Variants in THSD4 observed in about 807,000 individuals in gnomAD.
THSD4 encodes thrombospondin type 1 domain containing 4, also known as thrombospondin type-1 domain-containing protein 4.
In THSD4, 69 loss-of-function variants were observed where a neutral mutation model predicts 119.0. That is an observed-to-expected ratio of 0.58 (90% CI 0.48 to 0.71). THSD4 has a LOEUF of 0.71. Ranked by LOEUF, THSD4 falls within the 30% of genes least tolerant of loss-of-function variation. The pLI is 0.00. For synonymous variants in THSD4, 524 were observed against 540.4 expected (o/e 0.97, Z 0.42); for missense variants, 1,393 against 1,391.1 (o/e 1.00, Z -0.02).
chr15:71,611,784 C>T (rs751029407), intron 7 of THSD4, among the ~76,000 whole-genome samples: 50 of 152,210 alleles, frequency 3.3e-4, no homozygotes, highest in Admixed American at 1.7e-3. Flanking sequence ...GAGCCTACAG[C>T]ATGGGTGAAA....
chr15:71,624,924 C>T (rs753325844), intron 7 of THSD4, among the ~76,000 whole-genome samples: 5 of 152,176 alleles, frequency 3.3e-5, no homozygotes, highest in Admixed American at 6.5e-5. Flanking sequence ...GAATCTGATT[C>T]CTGGTGGCTG....
At chr15:71,376,023 C>A (rs2046131732) in intron 6 of THSD4, among the ~76,000 whole-genome samples, 1 of 152,186 alleles carries the variant, frequency 6.6e-6, no homozygotes, top group South Asian at 2.1e-4. Flanking sequence ...TGTGATTATG[C>A]ATAACAAATA....
chr15:71,714,407 G>A (rs978709754), intron 8 of THSD4, among the ~76,000 whole-genome samples: 1 of 152,134 alleles, frequency 6.6e-6, no homozygotes, highest in African/African-American at 2.4e-5. Context: ...GGCATGGGGT[G>A]GACTTTTAGG....
At chr15:71,651,525 G>A (rs903994862) in intron 7 of THSD4, among the ~76,000 whole-genome samples, 1 of 152,104 alleles carries the variant, frequency 6.6e-6, no homozygotes, top group African/African-American at 2.4e-5. Flanking sequence ...AGCCGTCCCT[G>A]GAGATGGCCC....
chr15:71,706,728 A>T (rs872476), intron 8 of THSD4, among the ~76,000 whole-genome samples: 32,536 of 152,114 alleles, frequency 0.21, 4,429 homozygotes, highest in Middle Eastern at 0.35. Flanking sequence ...ACATGCTACC[A>T]ACGTGACATC....
chr15:71,384,693 G>A (rs976390660), intron 6 of THSD4, among the ~76,000 whole-genome samples: 3 of 152,176 alleles, frequency 2.0e-5, no homozygotes, highest in Non-Finnish European at 4.4e-5. Context: ...TAGTTCTGGA[G>A]CCCACATTTT....
chr15:71,674,651 G>C (rs1486133077), intron 8 of THSD4, among the ~76,000 whole-genome samples: 1 of 152,068 alleles, frequency 6.6e-6, no homozygotes, highest in East Asian at 1.9e-4. Flanking sequence ...GTCCTTTCAG[G>C]ATAAAAGGCC....
chr15:71,376,359 T>C (rs1339769042), intron 6 of THSD4, among the ~76,000 whole-genome samples: 1 of 152,186 alleles, frequency 6.6e-6, no homozygotes, highest in Non-Finnish European at 1.5e-5. Flanking sequence ...ATGTCCTGTT[T>C]CTTGACACTG....
At chr15:71,757,758 G>A in intron 14 of THSD4, 144 bp from the exon 15 acceptor site, 1 of 972,008 alleles carries the variant, frequency 1.0e-6, no homozygotes, top group Non-Finnish European at 1.5e-6. Context: ...AATGGAGTAG[G>A]CTATGCACGA....
At chr15:71,529,564 T>C (rs2048579289) in intron 7 of THSD4, among the ~76,000 whole-genome samples, 1 of 152,236 alleles carries the variant, frequency 6.6e-6, no homozygotes, top group Non-Finnish European at 1.5e-5. Context: ...CTACACTTAT[T>C]GTGTTTTCAA....
At chr15:71,672,095 T>C (rs548640122) in intron 8 of THSD4, among the ~76,000 whole-genome samples, 1 of 152,340 alleles carries the variant, frequency 6.6e-6, no homozygotes, top group East Asian at 1.9e-4. Context: ...ATTTTCACAA[T>C]ATTGATTCTT....
intron 5 of THSD4, among the ~76,000 whole-genome samples, chr15:71,243,611 G>A (rs566307447): frequency 4.6e-5 from 7 of 152,194 alleles, no homozygotes; most frequent in African/African-American, 1.4e-4. Flanking sequence ...CCTAACTGGT[G>A]TGGAAGTATG....
chr15:71,114,359 G>GGTATACCT (rs2040334113), upstream of THSD4, among the ~76,000 whole-genome samples: 2 of 151,980 alleles, frequency 1.3e-5, no homozygotes, highest in South Asian at 4.2e-4. Flanking sequence ...TTGTCCTCTC[G>GGTATACCT]GTATACCTGC....
chr15:71,523,523 A>G (rs1255202673), intron 7 of THSD4, among the ~76,000 whole-genome samples: 3 of 152,168 alleles, frequency 2.0e-5, no homozygotes, highest in Non-Finnish European at 4.4e-5. Flanking sequence ...GGACATGAGT[A>G]TATCTTTTGG....
Position 71,688,021 on chromosome 15 carries a change from T to A in THSD4, c.1357+27287T>A, listed in dbSNP as rs558710019. ...AATCTCCTGTAAATGTTTGTTTTGTTCACATGTGTTCAGATGTATTCTATG... is the reference window on the plus strand; with the variant it reads ...AATCTCCTGTAAATGTTTGTTTTGTACACATGTGTTCAGATGTATTCTATG... On this transcript the variant is annotated intron_variant, in intron 8 of 17. Coordinates refer to ENST00000261862, the MANE Select transcript of THSD4 (RefSeq NM_024817.3). Among the ~76,000 whole-genome samples the A allele has an allele frequency of 5.9e-5, 9 of 152,358 alleles. No homozygotes were observed. The South Asian group carries it at 1.9e-3, about 32-fold the overall frequency.
chr15:71,583,686 T>C (rs1350970361), intron 7 of THSD4, among the ~76,000 whole-genome samples: 1 of 152,180 alleles, frequency 6.6e-6, no homozygotes, highest in African/African-American at 2.4e-5. Flanking sequence ...GATTTAGAGG[T>C]GCATTGTTTA....
chr15:71,501,755 C>T (rs1160129789), intron 7 of THSD4, among the ~76,000 whole-genome samples: 1 of 152,224 alleles, frequency 6.6e-6, no homozygotes, highest in East Asian at 1.9e-4. Flanking sequence ...TCCATCATGA[C>T]CTCTCAATTG....
In THSD4 at chr15:71,242,766, C is replaced by T. The variant is rs1479995809; in HGVS notation, c.582C>T (p.Leu194=). ...CACAGAGGCTCCGGAGACAGAAGCT[C>T]TCATCCCGCCATTCCAGGTCCCAGG... is the stretch of plus-strand genomic sequence containing the variant. ...HTPQRLRRQK[L]SSRHSRSQGA... The change falls in exon 5 of 18, where the codon CTC becomes CTT. Residue 194 remains leucine (L), a synonymous_variant. Coordinates refer to ENST00000261862, the MANE Select transcript of THSD4 (RefSeq NM_024817.3). 1.9e-6 allele frequency: 3 copies of T among 1,614,064 alleles called. No individual in the cohort carries two copies. Among genetic ancestry groups the T allele is most frequent in the African/African-American group, 2.7e-5 (2 of 74,932 alleles).
chr15:71,197,870 G>A (rs1266602921), intron 3 of THSD4, among the ~76,000 whole-genome samples: 2 of 149,306 alleles, frequency 1.3e-5, no homozygotes, highest in Non-Finnish European at 3.0e-5. Context: ...CCCTATGTGT[G>A]TTTGGCACTC....
Sources: allele counts gnomAD v4.1 joint callset (sites outside exome capture counted in the v4.1 genomes callset), GRCh38; gene constraint gnomAD v4.1.1; transcripts MANE v1.5; gene names NCBI Gene and HGNC (gene_info 2026-07-23, HGNC 2026-07-21).